Variants in THSD4 observed in about 807,000 individuals in gnomAD.
The protein encoded by THSD4 is thrombospondin type 1 domain containing 4.
THSD4 carries 69 observed loss-of-function variants against 119.0 expected under a neutral mutation model. The ratio of observed to expected loss-of-function variants is 0.58; its 90% CI spans 0.48 to 0.71. The LOEUF (loss-of-function observed/expected upper bound fraction) is 0.71. THSD4 is among the 30% of genes least tolerant of loss of function. The probability of loss-of-function intolerance (pLI) is 0.00; values close to 1 mark genes in which losing one functional copy is unlikely to be tolerated. For synonymous variants in THSD4, 524 were observed against 540.4 expected, an observed-to-expected ratio of 0.97 and a Z score of 0.42; for missense variants, 1,393 against 1,391.1, an observed-to-expected ratio of 1.00 and a Z score of -0.02.
Position 71,445,158 on chromosome 15 carries a change from G to A in THSD4, c.1152+33335G>A, listed in dbSNP as rs529167085. On this transcript the variant is annotated intron_variant, in intron 7 of 17. Transcript: ENST00000261862. The stretch of plus-strand genomic sequence containing the variant: ...TGTTCACCTGGCAAGACACAGCTTC[G>A]GTGTCATTTCTTCTATAGTGCTGTT... 7.9e-5 allele frequency among the ~76,000 whole-genome samples: 12 copies of A among 152,202 alleles called. No individual in the cohort carries two copies. The South Asian group carries it at 1.0e-3, about 13-fold the overall frequency.
intron 3 of THSD4, among the ~76,000 whole-genome samples, chr15:71,204,693 C>T (rs1261503980): frequency 6.6e-6 from 1 of 152,158 alleles, no homozygotes; most frequent in Admixed American, 6.5e-5. Context: ...CACGAGTCCA[C>T]CCTTTCCTCT....
At chr15:71,486,628 T>G (rs200235770) in intron 7 of THSD4, among the ~76,000 whole-genome samples, 38,237 of 132,900 alleles carry the variant, frequency 0.29, 5,115 homozygotes, top group African/African-American at 0.36. Context: ...TTTTTTTTTT[T>G]TTTTTTTTAT....
At chr15:71,392,216 G>T (rs1450934422) in intron 6 of THSD4, among the ~76,000 whole-genome samples, 1 of 152,168 alleles carries the variant, frequency 6.6e-6, no homozygotes, top group African/African-American at 2.4e-5. Flanking sequence ...GATAAATGTC[G>T]ATATTTCCAT....
chr15:71,489,503 G>A (rs1217695348), intron 7 of THSD4, among the ~76,000 whole-genome samples: 1 of 152,260 alleles, frequency 6.6e-6, no homozygotes, highest in South Asian at 2.1e-4. Flanking sequence ...CTCTGCAGGC[G>A]ATGGATATGC....
chr15:71,306,243 T>G (rs2045024307), intron 6 of THSD4, among the ~76,000 whole-genome samples: 1 of 129,978 alleles, frequency 7.7e-6, no homozygotes, highest in African/African-American at 3.0e-5. Context: ...GAGGCAGAAG[T>G]TGCAGTGAGC....
chr15:71,458,374 T>G (rs1394928287), intron 7 of THSD4, among the ~76,000 whole-genome samples: 1 of 152,214 alleles, frequency 6.6e-6, no homozygotes, highest in East Asian at 1.9e-4. Flanking sequence ...TTTATTATAT[T>G]TATAACAATA....
intron 7 of THSD4, among the ~76,000 whole-genome samples, chr15:71,574,007 T>A (rs1287377429): frequency 6.6e-6 from 1 of 152,208 alleles, no homozygotes; most frequent in Non-Finnish European, 1.5e-5. Flanking sequence ...GCAGTTCAGA[T>A]GGGTATTGAC....
intron 4 of THSD4, among the ~76,000 whole-genome samples, chr15:71,230,573 C>G (rs1471786795): frequency 6.6e-6 from 1 of 152,234 alleles, no homozygotes; most frequent in African/African-American, 2.4e-5. Flanking sequence ...TTGTTATCTC[C>G]ATTTTGCTGC....
chr15:71,325,407 G>A (rs2045325275), intron 6 of THSD4, among the ~76,000 whole-genome samples: 1 of 152,196 alleles, frequency 6.6e-6, no homozygotes, highest in South Asian at 2.1e-4. Context: ...TGACACTGGT[G>A]ATAGAGAGAT....
rs533526170 is a variant in THSD4, at chr15:71,122,837, A to G, written c.-80+7139A>G. ...GTGAATGTTCAATTTGCTGATGTTT[A>G]TTTATTTCTGATCTCATGTTCTGCT... On this transcript the variant is annotated intron_variant, in intron 1 of 17. Transcript: ENST00000261862. Among the ~76,000 whole-genome samples, 3 of 152,266 alleles carry G rather than the reference A, an allele frequency of 2.0e-5. No individual in the cohort carries two copies. The South Asian group carries it at 6.2e-4, about 32-fold the overall frequency.
At chr15:71,180,870 T>C (rs995642312) in intron 3 of THSD4, among the ~76,000 whole-genome samples, 1 of 152,054 alleles carries the variant, frequency 6.6e-6, no homozygotes, top group South Asian at 2.1e-4. Context: ...ATCTTAAAAG[T>C]ATAAGAATTC....
intron 7 of THSD4, chr15:71,547,127 CCTTTCTG>C: frequency 9.8e-7 from 1 of 1,022,628 alleles, no homozygotes. Flanking sequence ...CTGTCCCTCC[CCTTTCTG>C]CTTTCTGTTA....
At chr15:71,637,144 G>A (rs765454510) in intron 7 of THSD4, among the ~76,000 whole-genome samples, 1 of 152,070 alleles carries the variant, frequency 6.6e-6, no homozygotes. Context: ...GCCTCAGTCT[G>A]CCAAAGTGCT....
chr15:71,455,201 TC>T (rs2047321486), intron 7 of THSD4, among the ~76,000 whole-genome samples: 1 of 152,216 alleles, frequency 6.6e-6, no homozygotes, highest in Non-Finnish European at 1.5e-5. Context: ...TTGCTTTCCC[TC>T]CTTCTGCCTG....
chr15:71,761,894 G>A (rs1027525043), intron 15 of THSD4, among the ~76,000 whole-genome samples: 11 of 152,128 alleles, frequency 7.2e-5, no homozygotes, highest in Non-Finnish European at 1.2e-4. Context: ...AGGCCAGCCC[G>A]GCTGCTCTTG....
chr15:71,750,714 C>A (rs1226648752), intron 14 of THSD4, among the ~76,000 whole-genome samples: 1 of 152,250 alleles, frequency 6.6e-6, no homozygotes, highest in Non-Finnish European at 1.5e-5. Context: ...ATTTGGCCAT[C>A]TGGGAGGCTC....
chr15:71,130,713 A>G (rs1171846041), intron 1 of THSD4, among the ~76,000 whole-genome samples: 2 of 152,192 alleles, frequency 1.3e-5, no homozygotes, highest in African/African-American at 4.8e-5. Context: ...CATTCAGCAC[A>G]ACCTGTCACA....
chr15:71,583,733 G>A (rs2140853905), intron 7 of THSD4, among the ~76,000 whole-genome samples: 1 of 152,120 alleles, frequency 6.6e-6, no homozygotes, highest in East Asian at 1.9e-4. Context: ...ATTTTCTTCT[G>A]CAATTTCTAG....
At chr15:71,736,061 A>G (rs1450179478) in intron 10 of THSD4, among the ~76,000 whole-genome samples, 7 of 67,538 alleles carry the variant, frequency 1.0e-4, no homozygotes, top group African/African-American at 4.4e-4. Flanking sequence ...TTCTGTCTCT[A>G]TCTCTCTGTC....
Sources: gnomAD v4.1 joint callset for allele counts (sites outside exome capture counted in the v4.1 genomes callset) on GRCh38, gnomAD v4.1.1 for gene constraint, MANE v1.5 for transcripts, NCBI Gene and HGNC (gene_info 2026-07-23, HGNC 2026-07-21) for gene names.